Variants in GRID2 observed in about 807,000 individuals in gnomAD.
GRID2 encodes the protein glutamate receptor ionotropic, delta-2.
GRID2 carries 33 observed loss-of-function variants against 114.8 expected under a neutral mutation model. The ratio of observed to expected loss-of-function variants is 0.29; its 90% CI spans 0.22 to 0.38. GRID2 has a LOEUF of 0.38. Ranked by LOEUF, GRID2 falls within the 10% of genes least tolerant of loss-of-function variation. The probability of loss-of-function intolerance (pLI) is 1.00; values close to 1 mark genes in which losing one functional copy is unlikely to be tolerated. For synonymous variants in GRID2, 505 were observed against 449.9 expected (o/e 1.12, Z -1.55); for missense variants, 1,184 against 1,257.7 (o/e 0.94, Z 0.89).
chr4:92,423,593 T>A (rs75323378), intron 1 of GRID2, among the ~76,000 whole-genome samples: 8 of 152,134 alleles, frequency 5.3e-5, no homozygotes, highest in Non-Finnish European at 1.0e-4. Flanking sequence ...AGAGAAGTGT[T>A]GTTACATTCT....
intron 1 of GRID2, among the ~76,000 whole-genome samples, chr4:92,402,147 T>C (rs1730817999): frequency 6.6e-6 from 1 of 152,140 alleles, no homozygotes; most frequent in Non-Finnish European, 1.5e-5. Context: ...TCCAGGCATA[T>C]CTTAAGTCTC....
chr4:93,336,256 C>A (rs577033623), intron 8 of GRID2, among the ~76,000 whole-genome samples: 2 of 151,990 alleles, frequency 1.3e-5, no homozygotes, highest in South Asian at 4.1e-4. Flanking sequence ...CAAATTTATA[C>A]CATTATTATA....
chr4:92,468,539 C>T (rs1435872454), intron 1 of GRID2, among the ~76,000 whole-genome samples: 1 of 152,006 alleles, frequency 6.6e-6, no homozygotes, highest in Non-Finnish European at 1.5e-5. Flanking sequence ...TAATTAAACA[C>T]TTATTTAAAC....
At chr4:92,329,105 T>G (rs2110140034) in intron 1 of GRID2, among the ~76,000 whole-genome samples, 1 of 152,196 alleles carries the variant, frequency 6.6e-6, no homozygotes, top group Middle Eastern at 3.4e-3. Context: ...AGTCATTTTT[T>G]CCATGTCTAG....
chr4:92,750,757 A>C (rs1357003466), intron 2 of GRID2, among the ~76,000 whole-genome samples: 2 of 152,238 alleles, frequency 1.3e-5, no homozygotes, highest in Non-Finnish European at 2.9e-5. Flanking sequence ...TTTGAGTCTC[A>C]GTACTTCAAC....
chr4:93,788,482 T>A (rs1033830525), intron 1 of GRID2, among the ~76,000 whole-genome samples: 1 of 152,046 alleles, frequency 6.6e-6, no homozygotes, highest in Non-Finnish European at 1.5e-5. Flanking sequence ...ACAATGTGAG[T>A]ATATATATAC....
intron 2 of GRID2, among the ~76,000 whole-genome samples, chr4:92,779,186 A>ATGTGTGTGTGTGTGTGTG (rs70942930): frequency 9.5e-5 from 14 of 147,362 alleles, no homozygotes; most frequent in African/African-American, 2.0e-4. Context: ...TAGTAAGTAA[A>ATGTGTGTGTGTGTGTGTG]TGTGTGTGTG....
intron 2 of GRID2, among the ~76,000 whole-genome samples, chr4:93,054,833 G>T (rs1727071459): frequency 6.6e-6 from 1 of 151,224 alleles, no homozygotes; most frequent in Non-Finnish European, 1.5e-5. Flanking sequence ...AAAATCAAAA[G>T]AAAATAACAA....
At chr4:93,323,841 C>G (rs760491199) in intron 8 of GRID2, among the ~76,000 whole-genome samples, 89 of 152,114 alleles carry the variant, frequency 5.9e-4, no homozygotes, top group Non-Finnish European at 1.1e-3. Flanking sequence ...TGATTTGGCT[C>G]TCTGTTTGTC....
At chr4:93,169,410 C>T (rs1420494494) in intron 4 of GRID2, among the ~76,000 whole-genome samples, 1 of 151,936 alleles carries the variant, frequency 6.6e-6, no homozygotes, top group Non-Finnish European at 1.5e-5. Context: ...ACAGTCTTAC[C>T]AAGATTTTAA....
At chr4:93,144,775 G>A (rs888214312) in intron 4 of GRID2, among the ~76,000 whole-genome samples, 3 of 152,056 alleles carry the variant, frequency 2.0e-5, no homozygotes, top group African/African-American at 7.2e-5. Flanking sequence ...TCAAAATACT[G>A]GAGACTGAAA....
At chr4:92,495,313 T>G (rs1723333726) in intron 1 of GRID2, among the ~76,000 whole-genome samples, 1 of 151,976 alleles carries the variant, frequency 6.6e-6, no homozygotes, top group South Asian at 2.1e-4. Context: ...TTTCCTAGAA[T>G]CTAGGGCTAG....
intron 8 of GRID2, among the ~76,000 whole-genome samples, chr4:93,389,603 T>G (rs1764647733): frequency 6.6e-6 from 1 of 152,162 alleles, no homozygotes; most frequent in Admixed American, 6.5e-5. Context: ...GTGGACAAGG[T>G]AGTCATCATT....
intron 4 of GRID2, among the ~76,000 whole-genome samples, chr4:93,145,431 T>TTTTA (rs993101197): frequency 2.7e-5 from 4 of 150,528 alleles, no homozygotes; most frequent in Admixed American, 2.0e-4. Context: ...TTTAATTATT[T>TTTTA]TTTATTTATT....
At position 92,650,880 on chromosome 4, in the gene GRID2, C is replaced by G. The variant is rs543265448; in HGVS notation, c.244+60594C>G. Among the ~76,000 whole-genome samples, 5 of 151,990 alleles carry G rather than the reference C, an allele frequency of 3.3e-5. No homozygotes were observed. In the South Asian group the frequency reaches 6.2e-4, roughly 19 times the overall value. ...GAGCCTATACAGTCTTCTGTAGGAC[C>G]CTGACCCAACCCCACAAGGTATTAT... On this transcript the variant is annotated intron_variant, in intron 2 of 15. Transcript: ENST00000282020.
At position 93,725,316 on chromosome 4, in the gene GRID2, T is replaced by G. The variant is rs371817734; in HGVS notation, c.2361-43894T>G. Among the ~76,000 whole-genome samples the G allele has an allele frequency of 5.3e-5, 8 of 152,336 alleles. No individual in the cohort carries two copies. In the East Asian group the frequency reaches 1.3e-3, roughly 26 times the overall value. ...TGTCCCTTCAAAGAACATGAACTCA[T>G]CATTTTTTATGGCTGCATAGTATTC... On this transcript the variant is annotated intron_variant, in intron 14 of 15. Coordinates refer to ENST00000282020, the MANE Select transcript of GRID2 (RefSeq NM_001510.4).
chr4:93,096,195 C>A (rs1192709622), intron 3 of GRID2, among the ~76,000 whole-genome samples: 1 of 151,922 alleles, frequency 6.6e-6, no homozygotes, highest in Non-Finnish European at 1.5e-5. Context: ...ACTCTCATCT[C>A]TCACTACACA....
chr4:92,540,371 G>A (rs903989987), intron 1 of GRID2, among the ~76,000 whole-genome samples: 3 of 152,132 alleles, frequency 2.0e-5, no homozygotes, highest in African/African-American at 7.2e-5. Flanking sequence ...CCTACAGATT[G>A]GGAGAAAATT....
Position 92,944,551 on chromosome 4 carries a change from G to C in GRID2, c.245-140444G>C, listed in dbSNP as rs77903018. Among the ~76,000 whole-genome samples the C allele has an allele frequency of 5.1e-3, 776 of 152,304 alleles. 7 individuals are homozygous for C. The highest frequency in any genetic ancestry group is 0.018 in the African/African-American group (735 of 41,576). The stretch of plus-strand genomic sequence containing the variant: ...TGAGGCGATGCCTCGCCTTGCTTCA[G>C]CTCATGCTCAGTGCGCTGCACCCAC... On this transcript the variant is annotated intron_variant, in intron 2 of 15. Coordinates refer to ENST00000282020, the MANE Select transcript of GRID2 (RefSeq NM_001510.4).
Sources: allele counts gnomAD v4.1 joint callset (sites outside exome capture counted in the v4.1 genomes callset), GRCh38; gene constraint gnomAD v4.1.1; transcripts MANE v1.5; gene names NCBI Gene and HGNC (gene_info 2026-07-23, HGNC 2026-07-21).